GOSR1: variants seen among roughly 807,000 people sequenced by gnomAD.
GOSR1 encodes golgi SNAP receptor complex member 1.
Under a neutral mutation model 35.5 loss-of-function variants are expected in GOSR1, and 21 were observed. The ratio of observed to expected loss-of-function variants is 0.59; its 90% CI spans 0.42 to 0.85. The LOEUF is 0.85. Ranked by LOEUF, GOSR1 falls within the 40% of genes least tolerant of loss-of-function variation. The pLI is 0.00. For synonymous variants in GOSR1, 94 were observed against 106.6 expected (o/e 0.88, Z 0.73); for missense variants, 285 against 309.6 (o/e 0.92, Z 0.60).
chr17:30,490,662 C>T (rs1239957419), intron 5 of GOSR1, among the ~76,000 whole-genome samples: 1 of 152,198 alleles, frequency 6.6e-6, no homozygotes, highest in Admixed American at 6.5e-5. Flanking sequence ...CTTGTCCCAA[C>T]AGTTACATAT....
In GOSR1 at chr17:30,481,095, G is replaced by A. The variant is rs191220450; in HGVS notation, c.32-48G>A. On this transcript the variant is annotated intron_variant, in intron 1 of 8. Transcript: ENST00000451249. ...TCTTTAGAATGGTGCTGTGATTTTT[G>A]TGTCTACTTTTTATGTCTAATTATT... 2,824 of 1,240,702 alleles carry A rather than the reference G, an allele frequency of 2.3e-3. 3 individuals carry two copies. Among genetic ancestry groups the A allele is most frequent in the Non-Finnish European group, 2.8e-3 (2,389 of 841,656 alleles). 76.9% of individuals were successfully genotyped at this position (1,240,702 alleles called of 1,614,324 possible).
At chr17:30,518,783 GA>G (rs923109902) in intron 7 of GOSR1, among the ~76,000 whole-genome samples, 9 of 149,596 alleles carry the variant, frequency 6.0e-5, no homozygotes, top group Non-Finnish European at 1.2e-4. Context: ...TTAAAAATTA[GA>G]AAAAAAAAAT....
At chr17:30,506,068 C>T (rs1967393145) in intron 6 of GOSR1, among the ~76,000 whole-genome samples, 1 of 152,166 alleles carries the variant, frequency 6.6e-6, no homozygotes, top group African/African-American at 2.4e-5. Context: ...ACCATCCATT[C>T]CCAACTCACT....
At chr17:30,510,289 G>A (rs1289989261) in intron 6 of GOSR1, among the ~76,000 whole-genome samples, 3 of 152,084 alleles carry the variant, frequency 2.0e-5, no homozygotes, top group African/African-American at 7.2e-5. Flanking sequence ...GGCCAGGCTG[G>A]TCTCGAACTC....
chr17:30,491,907 C>T (rs1915066796), intron 5 of GOSR1, among the ~76,000 whole-genome samples: 2 of 152,070 alleles, frequency 1.3e-5, no homozygotes, highest in South Asian at 2.1e-4. Flanking sequence ...TCATCAGTCT[C>T]CTGAGTCCAA....
At chr17:30,519,219 T>A (rs1243793676) in intron 7 of GOSR1, among the ~76,000 whole-genome samples, 1 of 152,072 alleles carries the variant, frequency 6.6e-6, no homozygotes, top group Non-Finnish European at 1.5e-5. Flanking sequence ...CATGTCTAGC[T>A]AATTTTTTAT....
At chr17:30,506,739 C>T (rs1018089850) in intron 6 of GOSR1, among the ~76,000 whole-genome samples, 2 of 152,222 alleles carry the variant, frequency 1.3e-5, no homozygotes, top group Non-Finnish European at 2.9e-5. Context: ...GGACTTTCCT[C>T]CTAGAGACGA....
intron 1 of GOSR1, among the ~76,000 whole-genome samples, chr17:30,480,492 A>G (rs1478811487): frequency 6.6e-6 from 1 of 152,016 alleles, no homozygotes; most frequent in Non-Finnish European, 1.5e-5. Context: ...TTCCTTTGTG[A>G]TTTGTATTAT....
At chr17:30,517,420 T>C (rs1192800769) in intron 7 of GOSR1, among the ~76,000 whole-genome samples, 1 of 152,188 alleles carries the variant, frequency 6.6e-6, no homozygotes. Context: ...TTTCTGAAAA[T>C]ATTACAGCAT....
Position 30,522,424 on chromosome 17 carries a change from G to C in GOSR1, c.*46G>C. The C allele has an allele frequency of 6.7e-7, 1 of 1,485,700 alleles. No individual in the cohort carries two copies. The highest frequency in any genetic ancestry group is 9.0e-7 in the Non-Finnish European group (1 of 1,105,306). The allele number at this position is 1,485,700 out of a possible 1,614,324, so 92.0% of individuals were successfully genotyped here. ...TTGACAGCCACCGCTTTCACACCCT[G>C]GTCTGGAATAAGGAAACATCGGAGG... On this transcript the variant is annotated 3_prime_UTR_variant, in exon 9 of 9. Coordinates refer to ENST00000451249, the MANE Select transcript of GOSR1 (RefSeq NM_001007025.2).
At chr17:30,521,167 C>CT (rs71360748) in intron 8 of GOSR1, among the ~76,000 whole-genome samples, 3,046 of 64,206 alleles carry the variant, frequency 0.047, 697 homozygotes, top group African/African-American at 0.19. Context: ...TTCTCTCTCT[C>CT]TTTTTTTTTT....
At chr17:30,499,415 C>T (rs1045689593) in intron 6 of GOSR1, among the ~76,000 whole-genome samples, 1 of 149,028 alleles carries the variant, frequency 6.7e-6, no homozygotes, top group Non-Finnish European at 1.5e-5. Flanking sequence ...AATCTTGGCT[C>T]ACTGCAACCT....
chr17:30,504,225 C>G (rs1299203603), intron 6 of GOSR1, among the ~76,000 whole-genome samples: 3 of 152,008 alleles, frequency 2.0e-5, no homozygotes, highest in Non-Finnish European at 4.4e-5. Context: ...CAAGGTTTCA[C>G]TATGTTGGCT....
At chr17:30,477,627 AACGGTCTGGGGT>A (rs924462656) in intron 1 of GOSR1, 163 bp downstream of exon 1, 19 of 1,393,316 alleles carry the variant, frequency 1.4e-5, no homozygotes, top group Admixed American at 3.1e-5. Flanking sequence ...GGGGATACCG[AACGGTCTGGGGT>A]AGGGGTCTGG....
chr17:30,486,515 G>A (rs1914694979), intron 4 of GOSR1, among the ~76,000 whole-genome samples: 1 of 143,454 alleles, frequency 7.0e-6, no homozygotes, highest in Non-Finnish European at 1.5e-5. Context: ...CAGAGTGACT[G>A]TTTCAAAAAA....
chr17:30,501,004 C>T (rs1967183507), intron 6 of GOSR1, among the ~76,000 whole-genome samples: 2 of 152,012 alleles, frequency 1.3e-5, no homozygotes, highest in African/African-American at 4.8e-5. Context: ...CCTCAGCCTC[C>T]CAAGTAGCTG....
intron 7 of GOSR1, among the ~76,000 whole-genome samples, chr17:30,517,093 A>G (rs1219343193): frequency 6.6e-6 from 1 of 152,192 alleles, no homozygotes; most frequent in East Asian, 1.9e-4. Flanking sequence ...AAATCCTAGC[A>G]TGTCCATGTT....
chr17:30,489,393 A>C (rs115086870), intron 4 of GOSR1, among the ~76,000 whole-genome samples: 3,366 of 152,294 alleles, frequency 0.022, 114 homozygotes, highest in African/African-American at 0.07. Context: ...CCAAAAAAAA[A>C]GAAAATAATA....
chr17:30,481,228 T>C lies in GOSR1; in HGVS notation c.117T>C (p.His39=), dbSNP rs1567895038. Reference sequence around the variant, plus strand: ...GCAAACTATGTACAAGTTACAGTCATAGCAGTACCCGAGATGGAAGACGCG... The same window carrying C: ...GCAAACTATGTACAAGTTACAGTCACAGCAGTACCCGAGATGGAAGACGCG... ...SFSKLCTSYS[H]SSTRDGRRDS... Residue 39 remains histidine (H), a synonymous_variant, in exon 2 of 9, where the codon CAT becomes CAC. Transcript: ENST00000451249. 6.2e-7 allele frequency: 1 copy of C among 1,606,450 alleles called. No individual in the cohort carries two copies.
Sources: allele counts gnomAD v4.1 joint callset (sites outside exome capture counted in the v4.1 genomes callset), GRCh38; gene constraint gnomAD v4.1.1; transcripts MANE v1.5; gene names NCBI Gene and HGNC (gene_info 2026-07-23, HGNC 2026-07-21).